CCSER1: variants seen among roughly 807,000 people sequenced by gnomAD.
CCSER1 encodes the protein coiled-coil serine rich protein 1.
Under a neutral mutation model 82.0 loss-of-function variants are expected in CCSER1, and 41 were observed. The observed-to-expected ratio is 0.50, with a 90% CI of 0.39 to 0.65. CCSER1 has a LOEUF of 0.65. Among genes scored for constraint, CCSER1 ranks in the 30% least tolerant of loss-of-function variants. The pLI is 0.00. For missense variants in CCSER1, 1,119 were observed against 1,064.2 expected, an observed-to-expected ratio of 1.05 and a Z score of -0.72; for synonymous variants, 414 against 383.9, an observed-to-expected ratio of 1.08 and a Z score of -0.92.
chr4:90,675,019 A>G (rs1260563920), intron 6 of CCSER1, among the ~76,000 whole-genome samples: 1 of 152,040 alleles, frequency 6.6e-6, no homozygotes, highest in Non-Finnish European at 1.5e-5. Flanking sequence ...CAGTGTCTGA[A>G]ACCAGACTGC....
chr4:90,212,132 C>CTTA (rs950898773), intron 1 of CCSER1, among the ~76,000 whole-genome samples: 5 of 152,148 alleles, frequency 3.3e-5, no homozygotes, highest in African/African-American at 7.2e-5. Flanking sequence ...ATCAAAGCAT[C>CTTA]TTATAGTCCA....
intron 1 of CCSER1, among the ~76,000 whole-genome samples, chr4:90,274,725 A>C (rs577494137): frequency 6.6e-6 from 1 of 152,222 alleles, no homozygotes; most frequent in Admixed American, 6.5e-5. Context: ...TTGGTCCCAG[A>C]ATATCATACT....
chr4:91,331,262 T>C (rs1037782051), intron 10 of CCSER1, among the ~76,000 whole-genome samples: 2 of 152,176 alleles, frequency 1.3e-5, no homozygotes, highest in African/African-American at 4.8e-5. Flanking sequence ...TTGTCAGATA[T>C]ATTTTCCTCA....
rs1481077950 is a variant in CCSER1, at chr4:90,862,746, T to C, written c.2094+46901T>C. 3.3e-5 allele frequency among the ~76,000 whole-genome samples: 5 copies of C among 151,952 alleles called. No homozygotes were observed. In the East Asian group the frequency reaches 9.8e-4, roughly 30 times the overall value. ...ATGTAGCTGGACTCCACAAAAACGCTACTACTACTCAGCATATTATGCACT... is the reference window on the plus strand; with the variant it reads ...ATGTAGCTGGACTCCACAAAAACGCCACTACTACTCAGCATATTATGCACT... On this transcript the variant is annotated intron_variant, in intron 8 of 10. Transcript: ENST00000509176.
chr4:91,490,458 G>C (rs1758456166), intron 10 of CCSER1, among the ~76,000 whole-genome samples: 1 of 152,014 alleles, frequency 6.6e-6, no homozygotes, highest in Admixed American at 6.6e-5. Flanking sequence ...GATGGGACTG[G>C]AGGACATTAT....
At chr4:90,158,610 G>A (rs200791087) in intron 1 of CCSER1, among the ~76,000 whole-genome samples, 42,854 of 152,000 alleles carry the variant, frequency 0.28, 7,634 homozygotes, top group East Asian at 0.64. Flanking sequence ...CCTGGCTGCC[G>A]CCTTGCAGTT....
intron 9 of CCSER1, among the ~76,000 whole-genome samples, chr4:91,071,252 T>C (rs1721398434): frequency 6.6e-6 from 1 of 152,154 alleles, no homozygotes. Flanking sequence ...TATTCTAACA[T>C]GGAAAGATGA....
intron 9 of CCSER1, among the ~76,000 whole-genome samples, chr4:90,988,013 G>A (rs889297478): frequency 3.3e-5 from 5 of 151,522 alleles, no homozygotes; most frequent in African/African-American, 9.7e-5. Context: ...AATATTGTAA[G>A]TTGGAGTAAA....
At position 90,619,380 on chromosome 4, in the gene CCSER1, C is replaced by T. The variant is rs147395921; in HGVS notation, c.1725-8645C>T. Among the ~76,000 whole-genome samples, 325 of 152,028 alleles carry T rather than the reference C, an allele frequency of 2.1e-3. 2 individuals are homozygous for T. The highest frequency in any genetic ancestry group is 3.5e-3 in the Non-Finnish European group (237 of 67,866). ...AATGTATAAAATAAAAGTGTTCCAA[C>T]ACAGCAGATGATTTATGTTGTTTAT... is the stretch of plus-strand genomic sequence containing the variant. On this transcript the variant is annotated intron_variant, in intron 5 of 10. Coordinates refer to ENST00000509176, the MANE Select transcript of CCSER1 (RefSeq NM_001145065.2).
At chr4:90,869,542 T>G (rs1440990413) in intron 8 of CCSER1, among the ~76,000 whole-genome samples, 1 of 151,972 alleles carries the variant, frequency 6.6e-6, no homozygotes, top group African/African-American at 2.4e-5. Context: ...GATTTTCTAT[T>G]TTGTTCCATT....
intron 3 of CCSER1, among the ~76,000 whole-genome samples, chr4:90,392,843 A>C (rs192834735): frequency 8.9e-4 from 135 of 152,304 alleles, no homozygotes; most frequent in African/African-American, 3.0e-3. Context: ...CAATTCTATC[A>C]TAAGGATTGA....
intron 5 of CCSER1, among the ~76,000 whole-genome samples, chr4:90,548,869 T>C (rs139120424): frequency 0.012 from 1,885 of 152,060 alleles, 48 homozygotes; most frequent in African/African-American, 0.044. Flanking sequence ...AAAAGAATCG[T>C]TTGAAAGAGT....
intron 5 of CCSER1, among the ~76,000 whole-genome samples, chr4:90,561,749 C>A (rs1272494289): frequency 6.6e-6 from 1 of 152,112 alleles, no homozygotes; most frequent in Non-Finnish European, 1.5e-5. Context: ...AGCAGCAGGA[C>A]AGTAGTAAGT....
intron 10 of CCSER1, among the ~76,000 whole-genome samples, chr4:91,439,589 C>T (rs1457424850): frequency 6.7e-6 from 1 of 149,418 alleles, no homozygotes; most frequent in Non-Finnish European, 1.5e-5. Flanking sequence ...AGCAAAATAA[C>T]CAGGATCAAA....
chr4:91,251,782 CATA>C (rs1285727762), intron 10 of CCSER1, among the ~76,000 whole-genome samples: 31 of 152,168 alleles, frequency 2.0e-4, no homozygotes, highest in African/African-American at 7.5e-4. Flanking sequence ...ATATATGCCA[CATA>C]ATAATATGTT....
rs114610425 is a variant in CCSER1 at position 91,121,079 on chromosome 4, G to A, written c.2217+35085G>A. On this transcript the variant is annotated intron_variant, in intron 10 of 10. Transcript: ENST00000509176. ...TCAATTGGAAAATTTAGGCTTTCTT[G>A]AGTAAATTCTTTATATATGTTACAT... Among the ~76,000 whole-genome samples, 1,170 of 151,438 alleles carry A rather than the reference G, an allele frequency of 7.7e-3. 11 individuals carry two copies. Among genetic ancestry groups the A allele is most frequent in the African/African-American group, 0.027 (1,110 of 41,400 alleles).
chr4:90,788,440 A>C (rs891662957), intron 7 of CCSER1, among the ~76,000 whole-genome samples: 4 of 152,180 alleles, frequency 2.6e-5, no homozygotes, highest in African/African-American at 9.7e-5. Flanking sequence ...GGTAGGACCA[A>C]GCATCCTTTA....
chr4:91,398,060 T>G (rs1752096119), intron 10 of CCSER1, among the ~76,000 whole-genome samples: 1 of 152,000 alleles, frequency 6.6e-6, no homozygotes, highest in Admixed American at 6.6e-5. Flanking sequence ...AATGAGTAAT[T>G]ATTTTTTTTA....
intron 1 of CCSER1, among the ~76,000 whole-genome samples, chr4:90,147,915 A>G (rs1161886967): frequency 6.6e-5 from 10 of 152,200 alleles, no homozygotes; most frequent in Admixed American, 5.2e-4. Context: ...CTGTAATCCT[A>G]GCACTTTGGG....
Sources: allele counts gnomAD v4.1 joint callset (sites outside exome capture counted in the v4.1 genomes callset), GRCh38; gene constraint gnomAD v4.1.1; transcripts MANE v1.5; gene names NCBI Gene and HGNC (gene_info 2026-07-23, HGNC 2026-07-21).